IL1R2: variants seen among roughly 807,000 people sequenced by gnomAD.
IL1R2 encodes the protein interleukin-1 receptor type 2.
A neutral mutation model predicts 39.5 loss-of-function variants in IL1R2; 46 were observed. The ratio of observed to expected loss-of-function variants is 1.16; its 90% confidence interval spans 0.92 to 1.49. The LOEUF is 1.49. Among genes scored for constraint, IL1R2 ranks in the 40% most tolerant of loss-of-function variants. The pLI is 0.00. For missense variants in IL1R2, 537 were observed against 502.0 expected (o/e 1.07, Z -0.67); for synonymous variants, 207 against 189.6 (o/e 1.09, Z -0.75).
At chr2:102,015,645 T>C (rs1676946796) in intron 3 of IL1R2, among the ~76,000 whole-genome samples, 2 of 152,214 alleles carry the variant, frequency 1.3e-5, no homozygotes, top group South Asian at 2.1e-4. Flanking sequence ...ATGTGATTTA[T>C]TGAATACTAT....
At chr2:101,998,700 C>G (rs917153632) in intron 1 of IL1R2, among the ~76,000 whole-genome samples, 10 of 152,132 alleles carry the variant, frequency 6.6e-5, no homozygotes, top group African/African-American at 2.4e-4. Context: ...CTGAGCATAG[C>G]TAGGATTGTC....
chr2:102,009,337 C>T (rs1676470238), intron 2 of IL1R2, among the ~76,000 whole-genome samples: 2 of 152,280 alleles, frequency 1.3e-5, no homozygotes, highest in East Asian at 1.9e-4. Context: ...TGGATAGTAG[C>T]ACTGAACTTG....
chr2:102,010,747 A>T (rs1676580202), intron 3 of IL1R2, among the ~76,000 whole-genome samples: 1 of 152,116 alleles, frequency 6.6e-6, no homozygotes, highest in Non-Finnish European at 1.5e-5. Context: ...TTCCCCTTTA[A>T]CTGTAGAAAA....
chr2:102,020,534 T>TTTCAGAGAGC (rs1187242581), intron 5 of IL1R2, among the ~76,000 whole-genome samples: 2 of 152,206 alleles, frequency 1.3e-5, no homozygotes, highest in Admixed American at 1.3e-4. Flanking sequence ...TTTGAGGGGA[T>TTTCAGAGAGC]TTCAGAGAGC....
intron 3 of IL1R2, among the ~76,000 whole-genome samples, chr2:102,012,537 C>CTGTGTGTG (rs140697767): frequency 1.8e-4 from 27 of 148,868 alleles, no homozygotes; most frequent in African/African-American, 6.4e-4. Flanking sequence ...AGGGTGCCCT[C>CTGTGTGTG]TGTGTGTGTG....
At chr2:102,010,660 C>T (rs3218861) in intron 3 of IL1R2, among the ~76,000 whole-genome samples, 11,774 of 152,030 alleles carry the variant, frequency 0.077, 1,455 homozygotes, top group African/African-American at 0.26. Flanking sequence ...CCAGGTGGTG[C>T]GTGGTAGAGC....
At position 102,026,009 on chromosome 2, in the gene IL1R2, C is replaced by T. The variant is rs1450115781; in HGVS notation, c.888-102C>T. 2.3e-5 allele frequency: 20 copies of T among 863,768 alleles called. 1 individual carries two copies. Among genetic ancestry groups the T allele is most frequent in the South Asian group, 1.1e-4 (6 of 56,030 alleles). 53.5% of individuals were successfully genotyped at this position (863,768 alleles called of 1,614,324 possible). On this transcript the variant is annotated intron_variant, in intron 7 of 8. Transcript: ENST00000332549. Reference sequence around the variant, plus strand: ...TTATGAAACTTGAAAACAATAAAAGCGCAATGGGTACTTCTAAAGGAGAGT... The same window carrying T: ...TTATGAAACTTGAAAACAATAAAAGTGCAATGGGTACTTCTAAAGGAGAGT...
intron 1 of IL1R2, among the ~76,000 whole-genome samples, chr2:101,998,628 A>T (rs1458341904): frequency 6.6e-6 from 1 of 152,204 alleles, no homozygotes; most frequent in Admixed American, 6.5e-5. Flanking sequence ...GAATGGACTC[A>T]TCTGGAGGGT....
intron 1 of IL1R2, among the ~76,000 whole-genome samples, chr2:102,007,689 G>C (rs1440297059): frequency 6.6e-6 from 1 of 152,176 alleles, no homozygotes; most frequent in Non-Finnish European, 1.5e-5. Context: ...AATATGTAAA[G>C]TTTTTCCCCT....
intron 3 of IL1R2, among the ~76,000 whole-genome samples, chr2:102,014,241 C>G (rs1478841109): frequency 6.6e-6 from 1 of 152,210 alleles, no homozygotes; most frequent in East Asian, 1.9e-4. Context: ...TGTAGCTGTA[C>G]AGCCCACTTA....
chr2:102,008,489 G>C (rs926008196), intron 1 of IL1R2, 26 bp from the exon 2 acceptor site: 1 of 1,014,114 alleles, frequency 9.9e-7, no homozygotes, highest in Non-Finnish European at 1.6e-6. Context: ...CTTGGTTCCT[G>C]GTGACACCTC....
chr2:101,992,748 C>G (rs80166016), intron 1 of IL1R2, among the ~76,000 whole-genome samples: 1 of 151,252 alleles, frequency 6.6e-6, no homozygotes, highest in African/African-American at 2.4e-5. Flanking sequence ...AACACAGAGA[C>G]AGAGAGAGAG....
In IL1R2 at chr2:102,026,096, G is replaced by T. The variant is rs775442025; in HGVS notation, c.888-15G>T. On this transcript the variant is annotated splice_polypyrimidine_tract_variant and intron_variant, in intron 7 of 8. Coordinates refer to ENST00000332549, the MANE Select transcript of IL1R2 (RefSeq NM_004633.4). ...TCGATACAATCATAATTAAGTGAAT[G>T]TTTTTTTAACTCAGGGAATATTCAG... 5.1e-6 allele frequency: 8 copies of T among 1,577,744 alleles called. No homozygotes were observed. The highest frequency in any genetic ancestry group is 1.7e-4 in the Middle Eastern group (1 of 5,946).
At chr2:102,012,139 T>C (rs1676678268) in intron 3 of IL1R2, among the ~76,000 whole-genome samples, 1 of 152,236 alleles carries the variant, frequency 6.6e-6, no homozygotes, top group South Asian at 2.1e-4. Flanking sequence ...GATTGGGAAC[T>C]AGTGTTTTGG....
At chr2:101,996,044 C>G (rs1486481478) in intron 1 of IL1R2, among the ~76,000 whole-genome samples, 4 of 152,110 alleles carry the variant, frequency 2.6e-5, no homozygotes, top group African/African-American at 9.7e-5. Flanking sequence ...AAGAGAGCAC[C>G]AGCTGTGAAA....
intron 1 of IL1R2, among the ~76,000 whole-genome samples, chr2:101,998,772 G>A (rs576378449): frequency 9.2e-5 from 14 of 152,290 alleles, no homozygotes; most frequent in African/African-American, 2.6e-4. Context: ...GACTGTCTTC[G>A]TGGTGGCTGA....
Position 102,009,626 on chromosome 2 carries a change from G to A in IL1R2, c.132G>A (p.Glu44=). 2 of 1,614,194 alleles carry A rather than the reference G, an allele frequency of 1.2e-6. No homozygotes were observed. The highest frequency in any genetic ancestry group is 1.1e-5 in the South Asian group (1 of 91,088). The change falls in exon 3 of 9, where the codon GAG becomes GAA. Residue 44 remains glutamate (E), a synonymous_variant. Coordinates refer to ENST00000332549, the MANE Select transcript of IL1R2 (RefSeq NM_004633.4). The stretch of plus-strand genomic sequence containing the variant: ...AGCGGGAGTTCAGGCTGGAAGGGGA[G>A]CCTGTAGCCCTGAGGTGCCCCCAGG... ...HYKREFRLEG[E]PVALRCPQVP... is the part of the protein sequence containing the mutation.
At chr2:102,024,468 C>T (rs1677602642) in intron 6 of IL1R2, 65 bp from the exon 7 acceptor site, 4 of 1,173,516 alleles carry the variant, frequency 3.4e-6, no homozygotes, top group Admixed American at 1.7e-5. Flanking sequence ...ACTCAGGGCT[C>T]AGGTTTGCTG....
At chr2:102,004,178 G>A (rs1460116613) in intron 1 of IL1R2, among the ~76,000 whole-genome samples, 2 of 152,172 alleles carry the variant, frequency 1.3e-5, no homozygotes, top group Non-Finnish European at 2.9e-5. Flanking sequence ...CAACTTTTCA[G>A]TCTTTTTGTA....
Sources: allele counts gnomAD v4.1 joint callset (sites outside exome capture counted in the v4.1 genomes callset), GRCh38; gene constraint gnomAD v4.1.1; transcripts MANE v1.5; gene names NCBI Gene and HGNC (gene_info 2026-07-23, HGNC 2026-07-21).